The following NRAP variants were observed in gnomAD, a reference collection of about 807,000 sequenced individuals.
The protein encoded by NRAP is nebulin-related-anchoring protein.
A neutral mutation model predicts 225.9 loss-of-function variants in NRAP; 189 were observed. The observed-to-expected ratio is 0.84, with a 90% CI of 0.74 to 0.94. The LOEUF is 0.94. NRAP is among the 40% of genes least tolerant of loss of function. The pLI, the probability that NRAP is intolerant of heterozygous loss-of-function variation, is 0.00. For synonymous variants in NRAP, 769 were observed against 790.7 expected (o/e 0.97, Z 0.46); for missense variants, 2,176 against 2,168.7 (o/e 1.00, Z -0.07).
intron 21 of NRAP, 80 bp downstream of exon 21, chr10:113,625,967 C>T (rs758514502): frequency 4.2e-5 from 37 of 884,700 alleles, no homozygotes; most frequent in Middle Eastern, 3.4e-4. Context: ...TGTGCCTGGG[C>T]GGCACCTGCT....
In NRAP at chr10:113,610,530, C is replaced by T. The variant is rs374377711; in HGVS notation, c.3532G>A (p.Gly1178Ser). 2.7e-5 allele frequency: 43 copies of T among 1,603,486 alleles called. No individual in the cohort carries two copies. The highest frequency in any genetic ancestry group is 3.4e-5 in the Non-Finnish European group (40 of 1,170,486). The stretch of plus-strand genomic sequence containing the variant: ...GTGCCTGGAATGACACATGCAACAC[C>T]TCGCATAAAGTTCAGGTCTGACCGG... ...LYRSDLNFMR[G>S]VACVIPGTLE... The change falls in exon 31 of 42, where the codon GGT becomes AGT. Residue 1178 changes from glycine (G) to serine (S), a missense_variant. Around this residue, in one of 3 missense-constraint regions of NRAP, gnomAD observed 1,708 missense variants for 1,695.5 expected, o/e 1.01. Transcript: ENST00000359988.
At chr10:113,652,378 A>G (rs1359640149) in intron 6 of NRAP, among the ~76,000 whole-genome samples, 1 of 152,132 alleles carries the variant, frequency 6.6e-6, no homozygotes, top group Non-Finnish European at 1.5e-5. Context: ...GTGGTGGCTC[A>G]CCCGAGTAAT....
Position 113,650,492 on chromosome 10 carries a change from C to T in NRAP, c.729G>A (p.Ala243=), listed in dbSNP as rs748383093. Reference sequence around the variant, plus strand: ...CTATCTGATAGGCGGGTGTGATCATCGCAGGGAAACTGCCTTTCCCTCTTT... The same window carrying T: ...CTATCTGATAGGCGGGTGTGATCATTGCAGGGAAACTGCCTTTCCCTCTTT... ...EQQRGKGSFP[A]MITPAYQIAK... Residue 243 remains alanine (A), a synonymous_variant, in exon 8 of 42, where the codon GCG becomes GCA. Transcript: ENST00000359988. 7.4e-6 allele frequency: 12 copies of T among 1,613,866 alleles called. No individual in the cohort carries two copies. Among genetic ancestry groups the T allele is most frequent in the African/African-American group, 6.7e-5 (5 of 74,894 alleles).
chr10:113,607,806 G>T (rs1274493792), intron 32 of NRAP, among the ~76,000 whole-genome samples: 1 of 152,190 alleles, frequency 6.6e-6, no homozygotes, highest in African/African-American at 2.4e-5. Flanking sequence ...GAGCCACTAA[G>T]AAGAAGTAGA....
chr10:113,631,521 C>CT lies in NRAP; in HGVS notation c.1829dup (p.Met611AspfsTer4), dbSNP rs1447896849. ...GAAAAGAGTTTACCTCACTGCTCAT[C>CT]TTAGCAATCTGCAGGGAGTGCAGAA... On this transcript the variant is annotated frameshift_variant, in exon 18 of 42. Transcript: ENST00000359988. LOFTEE classifies it high-confidence loss of function. The CT allele has an allele frequency of 1.2e-6, 2 of 1,605,124 alleles. No individual in the cohort carries two copies. The highest frequency in any genetic ancestry group is 1.7e-6 in the Non-Finnish European group (2 of 1,175,174).
intron 13 of NRAP, 141 bp downstream of exon 13, chr10:113,641,224 G>GGGTC: frequency 3.8e-6 from 2 of 526,050 alleles, no homozygotes; most frequent in Non-Finnish European, 6.7e-6. Context: ...CTAACATTTA[G>GGGTC]AAACTCTTTT....
Position 113,624,807 on chromosome 10 carries a change from C to A in NRAP, c.2349+19G>T. 1 of 1,580,122 alleles carries A rather than the reference C, an allele frequency of 6.3e-7. No individual in the cohort carries two copies. ...CAAAGGGGAGCAGAGTTCTTGCTGC[C>A]CACTCATTCTCTCTGTACCTCGCTG... On this transcript the variant is annotated intron_variant, in intron 22 of 41. Transcript: ENST00000359988.
intron 39 of NRAP, among the ~76,000 whole-genome samples, chr10:113,591,660 C>T (rs569938361): frequency 6.6e-6 from 1 of 152,314 alleles, no homozygotes; most frequent in South Asian, 2.1e-4. Context: ...AGAATACCTG[C>T]TATGTTCCTG....
intron 27 of NRAP, 23 bp downstream of exon 27, chr10:113,615,689 C>T (rs761449130): frequency 2.0e-5 from 27 of 1,362,462 alleles, no homozygotes; most frequent in South Asian, 3.5e-5. Context: ...CATTAAAACT[C>T]GTGCCCCTTG....
At chr10:113,655,858 A>T (rs571602393) in intron 4 of NRAP, among the ~76,000 whole-genome samples, 2 of 152,278 alleles carry the variant, frequency 1.3e-5, no homozygotes, top group Non-Finnish European at 1.5e-5. Flanking sequence ...AAAAATACAC[A>T]CTTCACAACA....
intron 18 of NRAP, among the ~76,000 whole-genome samples, chr10:113,630,059 C>A (rs866305634): frequency 2.0e-5 from 3 of 152,136 alleles, no homozygotes; most frequent in Non-Finnish European, 4.4e-5. Context: ...ACTCTATTCC[C>A]AATTCTCATA....
rs367731016 is a variant in NRAP at position 113,631,980 on chromosome 10, A to T, written c.1633-16T>A. On this transcript the variant is annotated splice_polypyrimidine_tract_variant and intron_variant, in intron 16 of 41. Coordinates refer to ENST00000359988, the MANE Select transcript of NRAP (RefSeq NM_198060.4). ...TATACTTAACCTGACAAACAAAACC[A>T]CAAGTGAATAGGAGTTGCTACCCAT... is the stretch of plus-strand genomic sequence containing the variant. 25 of 1,474,574 alleles carry T rather than the reference A, an allele frequency of 1.7e-5. No individual in the cohort carries two copies. Among genetic ancestry groups the T allele is most frequent in the Non-Finnish European group, 2.2e-5 (23 of 1,053,354 alleles). 91.3% of individuals were successfully genotyped at this position (1,474,574 alleles called of 1,614,324 possible).
At chr10:113,655,657 C>G (rs1850265931) in intron 4 of NRAP, among the ~76,000 whole-genome samples, 1 of 151,924 alleles carries the variant, frequency 6.6e-6, no homozygotes. Flanking sequence ...GCCATGTTGG[C>G]CAGGCTAGTC....
At chr10:113,596,665 C>T (rs918056661) in intron 37 of NRAP, among the ~76,000 whole-genome samples, 2 of 152,128 alleles carry the variant, frequency 1.3e-5, no homozygotes, top group African/African-American at 2.4e-5. Flanking sequence ...ATGTATCTGA[C>T]CTAGCCTTTG....
At chr10:113,617,015 C>A (rs1436963629) in intron 26 of NRAP, among the ~76,000 whole-genome samples, 1 of 152,074 alleles carries the variant, frequency 6.6e-6, no homozygotes, top group Non-Finnish European at 1.5e-5. Context: ...ATAAATCAGA[C>A]CCAAATCATG....
chr10:113,621,871 C>A lies in NRAP; in HGVS notation c.2767G>T (p.Asp923Tyr), dbSNP rs1848010112. 6.2e-7 allele frequency: 1 copy of A among 1,605,456 alleles called. No homozygotes were observed. The highest frequency in any genetic ancestry group is 8.5e-7 in the Non-Finnish European group (1 of 1,173,840). ...GCACACACTCACACAGAGCTTACAT[C>A]ACTCTGTAAGCCATAAGCCTTCTTG... Reference protein sequence around the residue: ...WAKKAYGLQSDNQYRADVKWM... With the variant: ...WAKKAYGLQSYNQYRADVKWM... Residue 923 changes from aspartate to tyrosine, a missense_variant and splice_region_variant, in exon 24 of 42, where the codon GAT becomes TAT. Physicochemically the swap from Asp to Tyr is radical, Grantham distance 160. Transcript: ENST00000359988.
At chr10:113,616,290 A>G (rs1847658230) in intron 26 of NRAP, among the ~76,000 whole-genome samples, 1 of 152,084 alleles carries the variant, frequency 6.6e-6, no homozygotes, top group Non-Finnish European at 1.5e-5. Context: ...CTGGGACTCT[A>G]TTTACCCAGA....
At chr10:113,608,078 G>A (rs1193890379) in intron 32 of NRAP, among the ~76,000 whole-genome samples, 1 of 152,214 alleles carries the variant, frequency 6.6e-6, no homozygotes, top group Non-Finnish European at 1.5e-5. Context: ...GTACTTCTCA[G>A]ATCTTCATGT....
intron 9 of NRAP, among the ~76,000 whole-genome samples, chr10:113,647,449 C>CTT: frequency 1.3e-5 from 2 of 150,892 alleles, no homozygotes; most frequent in Admixed American, 1.3e-4. Flanking sequence ...TACTGTCTCC[C>CTT]CCGGTGGTAC....
Sources: gnomAD v4.1 joint callset for allele counts (sites outside exome capture counted in the v4.1 genomes callset) on GRCh38, gnomAD v4.1.1 for gene constraint, gnomAD v4.1.1 regional missense constraint, MANE v1.5 for transcripts, NCBI Gene and HGNC (gene_info 2026-07-23, HGNC 2026-07-21) for gene names.